DIP2A: variants seen among roughly 807,000 people sequenced by gnomAD.
DIP2A encodes the protein DIP2 acetate--CoA ligase A, also known as disco-interacting protein 2 homolog A.
Under a neutral mutation model 177.4 loss-of-function variants are expected in DIP2A, and 85 were observed. The ratio of observed to expected loss-of-function variants is 0.48; its 90% CI spans 0.40 to 0.57. The LOEUF (loss-of-function observed/expected upper bound fraction) is 0.57. Among genes scored for constraint, DIP2A ranks in the 20% least tolerant of loss-of-function variants. DIP2A has a pLI of 0.00. For synonymous variants in DIP2A, 886 were observed against 881.8 expected (o/e 1.00, Z -0.08); for missense variants, 1,791 against 2,100.2 (o/e 0.85, Z 2.88).
intron 5 of DIP2A, 151 bp from the exon 6 acceptor site, chr21:46,504,210 G>A (rs1458259994): frequency 5.5e-6 from 6 of 1,089,132 alleles, no homozygotes; most frequent in Non-Finnish European, 8.0e-6. Flanking sequence ...TATGCCTTTG[G>A]TCAGCCAAGA....
Position 46,563,104 on chromosome 21 carries a change from G to A in DIP2A, c.4090-754G>A, listed in dbSNP as rs112691003. Among the ~76,000 whole-genome samples the A allele has an allele frequency of 1.1e-4, 17 of 152,330 alleles. No individual in the cohort carries two copies. Among genetic ancestry groups the A allele is most frequent in the African/African-American group, 3.4e-4 (14 of 41,576 alleles). ...TGGTTTTGGGGCTCAGCTGGGACAT[G>A]CAGGGAGAAGATGGAGGCTCCAACA... On this transcript the variant is annotated intron_variant, in intron 34 of 37. Transcript: ENST00000417564. The surrounding 1 kb of genome is among the most constrained non-coding windows in gnomAD (Gnocchi z 4.3).
intron 8 of DIP2A, among the ~76,000 whole-genome samples, chr21:46,524,564 C>T (rs757572199): frequency 2.6e-5 from 4 of 152,146 alleles, no homozygotes; most frequent in Non-Finnish European, 4.4e-5. Context: ...TTCCAGACCC[C>T]AAGAGAGGCT....
Position 46,537,678 on chromosome 21 carries a change from T to C in DIP2A, c.1801+139T>C. ...AAGAGCTGTGGGACGTCTTTCTTGG[T>C]CACACCCCTGCCCAGGAATATGGGG... On this transcript the variant is annotated intron_variant, in intron 15 of 37. Transcript: ENST00000417564. The surrounding 1 kb of genome is among the most constrained non-coding windows in gnomAD (Gnocchi z 4.1). 1.2e-6 allele frequency: 1 copy of C among 825,348 alleles called. No individual in the cohort carries two copies. Among genetic ancestry groups the C allele is most frequent in the Non-Finnish European group, 1.9e-6 (1 of 519,954 alleles). The allele number at this position is 825,348 out of a possible 1,614,324, so 51.1% of individuals were successfully genotyped here. A position where few individuals can be genotyped will look rare whatever the true frequency, so the allele number is the denominator to read the frequency against.
intron 8 of DIP2A, among the ~76,000 whole-genome samples, chr21:46,519,849 A>C: frequency 8.4e-6 from 1 of 119,248 alleles, no homozygotes; most frequent in African/African-American, 3.2e-5. Flanking sequence ...TAGAATATTG[A>C]TCTAGATTTT....
chr21:46,491,696 A>C (rs1402765446), intron 3 of DIP2A, among the ~76,000 whole-genome samples: 1 of 152,206 alleles, frequency 6.6e-6, no homozygotes, highest in Non-Finnish European at 1.5e-5. Context: ...ATGCACGCAC[A>C]CATGTGTACT....
chr21:46,562,163 A>G (rs907577872), intron 34 of DIP2A, among the ~76,000 whole-genome samples: 5 of 152,104 alleles, frequency 3.3e-5, no homozygotes, highest in Admixed American at 2.6e-4. Context: ...CCCTGGCCCT[A>G]AGTTGGAGAT....
At chr21:46,529,051 T>C (rs1310889351) in intron 8 of DIP2A, 41 bp from the exon 9 acceptor site, 2 of 1,271,168 alleles carry the variant, frequency 1.6e-6, no homozygotes, top group Admixed American at 2.8e-5. Flanking sequence ...ATTACTTGTT[T>C]CTTAAATTTT....
chr21:46,554,491 C>T (rs746459993), intron 26 of DIP2A, 84 bp from the exon 27 acceptor site: 2 of 1,568,014 alleles, frequency 1.3e-6, no homozygotes, highest in Middle Eastern at 1.9e-4. Flanking sequence ...ACCACCTCCC[C>T]TCCTCTCTCG....
At chr21:46,581,652 T>G in the DIP2A span, among the ~76,000 whole-genome samples, 1 of 152,128 alleles carries the variant, frequency 6.6e-6, no homozygotes, top group African/African-American at 2.4e-5. Flanking sequence ...TTTTTGTTGA[T>G]GTTGTTGTTG....
Position 46,459,297 on chromosome 21 carries a change from C to T in DIP2A, c.91+75C>T, listed in dbSNP as rs541446889. The T allele has an allele frequency of 3.1e-5, 40 of 1,299,814 alleles. 1 individual carries two copies. In the East Asian group the frequency reaches 6.5e-4, roughly 21 times the overall value. 80.5% of individuals were successfully genotyped at this position (1,299,814 alleles called of 1,614,324 possible). ...CCCCGCGCAGCCCCTCACTCCGGGA[C>T]CCCCGCGCGGCCCCTCACTCCAGGA... On this transcript the variant is annotated intron_variant, in intron 1 of 37. Transcript: ENST00000417564.
rs1300147397 is a variant in DIP2A at position 46,504,450 on chromosome 21, C to T, written c.745C>T (p.Pro249Ser). The stretch of plus-strand genomic sequence containing the variant: ...ACAGGTGGCTTCTGTGAGAAGTGTT[C>T]CTCGGGGGTGCAGCGGGAGCATGCT... Reference protein sequence around the residue: ...RPQVASVRSVPRGCSGSMLET... With the variant: ...RPQVASVRSVSRGCSGSMLET... Residue 249 changes from proline (P) to serine (S), a missense_variant, in exon 6 of 38, where the codon CCT becomes TCT. Physicochemically the swap from Pro to Ser is moderately conservative, Grantham distance 74. Transcript: ENST00000417564. 1.9e-6 allele frequency: 3 copies of T among 1,613,158 alleles called. No homozygotes were observed. Among genetic ancestry groups the T allele is most frequent in the Admixed American group, 3.3e-5 (2 of 59,978 alleles).
intron 1 of DIP2A, among the ~76,000 whole-genome samples, chr21:46,470,763 C>T (rs74888653): frequency 9.2e-6 from 1 of 108,738 alleles, no homozygotes; most frequent in Admixed American, 1.0e-4. Context: ...GACTCTGTCT[C>T]AAAAAAAAAA....
chr21:46,465,844 A>G (rs1389875859), intron 1 of DIP2A, among the ~76,000 whole-genome samples: 2 of 152,202 alleles, frequency 1.3e-5, no homozygotes, highest in African/African-American at 2.4e-5. Context: ...GTTTTGAGAA[A>G]CAGCAATTGT....
intron 1 of DIP2A, among the ~76,000 whole-genome samples, chr21:46,480,128 C>T (rs1025508003): frequency 1.9e-4 from 29 of 148,930 alleles, no homozygotes; most frequent in African/African-American, 7.2e-4. Context: ...AGTCTGTTCT[C>T]ATGCTGCTAA....
At chr21:46,548,565 G>T (rs183520730) in intron 21 of DIP2A, among the ~76,000 whole-genome samples, 1 of 152,168 alleles carries the variant, frequency 6.6e-6, no homozygotes, top group African/African-American at 2.4e-5. Flanking sequence ...ATTGTTCAAA[G>T]AACACAGTAG....
At chr21:46,511,301 T>A (rs1390974316) in intron 7 of DIP2A, 116 bp from the exon 8 acceptor site, 1 of 1,135,906 alleles carries the variant, frequency 8.8e-7, no homozygotes, top group African/African-American at 1.6e-5. Flanking sequence ...CAAATTATTG[T>A]AAGCTTTTTT....
chr21:46,565,727 C>A lies in DIP2A; in HGVS notation c.4179C>A (p.Ser1393Arg). 6.2e-7 allele frequency: 1 copy of A among 1,612,400 alleles called. No homozygotes were observed. The highest frequency in any genetic ancestry group is 2.2e-5 in the East Asian group (1 of 44,806). The part of the protein sequence containing the change: ...DSHLGEIWVS[S>R]PHNATGYYTV... ...GGGCCCACCAGATCTGGGTAAGCAG[C>A]CCCCACAATGCCACCGGGTACTACA... Residue 1393 changes from serine (S) to arginine (R), a missense_variant, in exon 36 of 38, where the codon AGC (serine) becomes AGA (arginine). Ser to Arg is a moderately radical substitution (Grantham distance 110). Coordinates refer to ENST00000417564, the MANE Select transcript of DIP2A (RefSeq NM_015151.4).
intron 7 of DIP2A, among the ~76,000 whole-genome samples, chr21:46,510,924 C>T (rs186054791): frequency 1.4e-4 from 22 of 152,144 alleles, no homozygotes; most frequent in Non-Finnish European, 2.6e-4. Flanking sequence ...TGAGCCACCA[C>T]GCCCAGCCTA....
At chr21:46,545,115 T>A (rs1410157545) in intron 18 of DIP2A, 22 bp from the exon 19 acceptor site, 10 of 1,570,898 alleles carry the variant, frequency 6.4e-6, no homozygotes, top group Non-Finnish European at 8.7e-6. Context: ...TTGATAATTT[T>A]GAGTTTTTTT....
Sources: allele counts gnomAD v4.1 joint callset (sites outside exome capture counted in the v4.1 genomes callset), GRCh38; gene constraint gnomAD v4.1.1; non-coding constraint Gnocchi (gnomAD v3.1); transcripts MANE v1.5; gene names NCBI Gene and HGNC (gene_info 2026-07-23, HGNC 2026-07-21).